The following ADGRF5 variants were observed in gnomAD, a reference collection of about 807,000 sequenced individuals.
ADGRF5 encodes the protein adhesion G protein-coupled receptor F5.
A neutral mutation model predicts 132.3 loss-of-function variants in ADGRF5; 75 were observed. That is an observed-to-expected ratio of 0.57 (90% CI 0.47 to 0.69). The LOEUF is 0.69. Among genes scored for constraint, ADGRF5 ranks in the 30% least tolerant of loss-of-function variants. The pLI, the probability that ADGRF5 is intolerant of heterozygous loss-of-function variation, is 0.00. For missense variants in ADGRF5, 1,516 were observed against 1,630.6 expected, an observed-to-expected ratio of 0.93 and a Z score of 1.21; for synonymous variants, 629 against 597.6, an observed-to-expected ratio of 1.05 and a Z score of -0.77.
intron 10 of ADGRF5, among the ~76,000 whole-genome samples, chr6:46,877,252 TTTCTTTCTTTCTTTC>T (rs1441051743): frequency 3.0e-5 from 1 of 33,732 alleles, no homozygotes; most frequent in African/African-American, 1.9e-4. Flanking sequence ...TCTTTCTTTC[TTTCTTTCTTTCTTTC>T]TTTCTTTCTT....
Position 46,858,687 on chromosome 6 carries a change from A to G in ADGRF5, c.3216T>C (p.Ala1072=), listed in dbSNP as rs1476102108. The change falls in exon 17 of 21, where the codon GCT becomes GCC. Residue 1072 remains alanine (A), a synonymous_variant. Coordinates refer to ENST00000283296, the MANE Select transcript of ADGRF5 (RefSeq NM_001098518.2). The part of the protein sequence containing the change: ...LVANTWFIVV[A]AIQDNRYILC... ...GTATGTAGCGATTGTCCTGGATGGC[A>G]GCGACCACAATGAACCAGGTGTTGG... The G allele has an allele frequency of 6.2e-7, 1 of 1,614,180 alleles. No homozygotes were observed. The highest frequency in any genetic ancestry group is 8.5e-7 in the Non-Finnish European group (1 of 1,180,026).
chr6:46,899,161 A>G (rs1415744477), intron 3 of ADGRF5, among the ~76,000 whole-genome samples: 1 of 152,154 alleles, frequency 6.6e-6, no homozygotes, highest in Non-Finnish European at 1.5e-5. Context: ...AAGAGTTCAT[A>G]AGACTTGAGG....
intron 10 of ADGRF5, among the ~76,000 whole-genome samples, chr6:46,876,020 T>G (rs1236137031): frequency 6.6e-6 from 1 of 152,224 alleles, no homozygotes; most frequent in East Asian, 1.9e-4. Context: ...TATGCGACCA[T>G]TTATGAGAGC....
intron 1 of ADGRF5, among the ~76,000 whole-genome samples, chr6:46,918,407 T>C (rs1041680904): frequency 6.6e-6 from 1 of 152,186 alleles, no homozygotes; most frequent in African/African-American, 2.4e-5. Flanking sequence ...GGAAACGTTA[T>C]AATTAAAAAA....
chr6:46,875,715 T>G (rs1271578418), intron 10 of ADGRF5, among the ~76,000 whole-genome samples: 1 of 152,114 alleles, frequency 6.6e-6, no homozygotes, highest in African/African-American at 2.4e-5. Context: ...GAGCGGAGGT[T>G]GCAGTGAGTC....
At chr6:46,861,728 G>GT (rs1769765006) in intron 15 of ADGRF5, among the ~76,000 whole-genome samples, 1 of 152,180 alleles carries the variant, frequency 6.6e-6, no homozygotes, top group African/African-American at 2.4e-5. Context: ...TCAGCACACA[G>GT]TAAGTATCCA....
At chr6:46,948,955 C>G (rs1208074408) in intron 1 of ADGRF5, among the ~76,000 whole-genome samples, 1 of 152,154 alleles carries the variant, frequency 6.6e-6, no homozygotes. Flanking sequence ...GAGGAAATTC[C>G]CAGGGCCATG....
intron 1 of ADGRF5, among the ~76,000 whole-genome samples, chr6:46,943,957 C>A (rs9296515): frequency 0.14 from 21,599 of 152,156 alleles, 1,794 homozygotes; most frequent in Admixed American, 0.22. Context: ...ATTAACCTAC[C>A]CAGAGAAATA....
At position 46,865,146 on chromosome 6, in the gene ADGRF5, C is replaced by T; in HGVS notation, c.1886G>A (p.Ser629Asn). 6.2e-7 allele frequency: 1 copy of T among 1,612,004 alleles called. No homozygotes were observed. The highest frequency in any genetic ancestry group is 8.5e-7 in the Non-Finnish European group (1 of 1,178,160). Reference sequence around the variant, plus strand: ...AGTTTTTGAACACCAGGAAACTGAGCTTGCATTGAAATTGTGTTTGTAGCA... The same window carrying T: ...AGTTTTTGAACACCAGGAAACTGAGTTTGCATTGAAATTGTGTTTGTAGCA... The part of the protein sequence containing the change: ...QVCYKHNFNA[S>N]SVSWCSKTVD... The change falls in exon 14 of 21, where the codon AGC becomes AAC. Residue 629 changes from serine (S) to asparagine (N), a missense_variant. Coordinates refer to ENST00000283296, the MANE Select transcript of ADGRF5 (RefSeq NM_001098518.2).
chr6:46,920,236 T>C (rs1776794994), intron 1 of ADGRF5, among the ~76,000 whole-genome samples: 1 of 152,124 alleles, frequency 6.6e-6, no homozygotes, highest in Non-Finnish European at 1.5e-5. Flanking sequence ...ATTTAATCCT[T>C]AGGAGGTTGT....
rs554543643 is a variant in ADGRF5 at position 46,859,395 on chromosome 6, T to C, written c.2508A>G (p.Leu836=). The change falls in exon 17 of 21, where the codon TTA becomes TTG. Residue 836 remains leucine (L), a synonymous_variant. Coordinates refer to ENST00000283296, the MANE Select transcript of ADGRF5 (RefSeq NM_001098518.2). Reference sequence around the variant, plus strand: ...ACAAAGGAGGGCTATCTCCCGACTGTAATGCTTGGGAAAATCTTTCCACTG... The same window carrying C: ...ACAAAGGAGGGCTATCTCCCGACTGCAATGCTTGGGAAAATCTTTCCACTG... ...LHSVERFSQA[L]QSGDSPPLSF... is the part of the protein sequence containing the mutation. 1.9e-6 allele frequency: 3 copies of C among 1,613,604 alleles called. No homozygotes were observed. Among genetic ancestry groups the C allele is most frequent in the African/African-American group, 2.7e-5 (2 of 75,038 alleles).
intron 3 of ADGRF5, 56 bp from the exon 4 acceptor site, chr6:46,888,561 T>C: frequency 8.4e-7 from 1 of 1,189,670 alleles, no homozygotes; most frequent in Non-Finnish European, 1.3e-6. Context: ...TGGAGTAAGA[T>C]CATGATGGAT....
chr6:46,935,615 C>T (rs952894534), intron 1 of ADGRF5, among the ~76,000 whole-genome samples: 2 of 152,174 alleles, frequency 1.3e-5, no homozygotes, highest in Non-Finnish European at 2.9e-5. Flanking sequence ...AGGAAGGCCA[C>T]GTGAATCCGA....
chr6:46,923,020 G>A (rs889574073), upstream of ADGRF5, among the ~76,000 whole-genome samples: 12 of 152,178 alleles, frequency 7.9e-5, no homozygotes, highest in Non-Finnish European at 1.5e-4. Flanking sequence ...TCTGCCTCCT[G>A]GGTTCAAGCG....
In ADGRF5 at chr6:46,878,404, A is replaced by T. The variant is rs866732444; in HGVS notation, c.1038T>A (p.Gly346=). ...CTAATATCAGTTTGCAAACATATTC[A>T]CCTGCATAAAATACACAAAATCATG... ...TIHNITPGDA[G]EYVCKLILDI... The change falls in exon 10 of 21, where the codon GGT becomes GGA. Residue 346 remains glycine, a splice_region_variant and synonymous_variant. Coordinates refer to ENST00000283296, the MANE Select transcript of ADGRF5 (RefSeq NM_001098518.2). The T allele has an allele frequency of 6.4e-7, 1 of 1,563,484 alleles. No individual in the cohort carries two copies. Among genetic ancestry groups the T allele is most frequent in the South Asian group, 1.1e-5 (1 of 89,718 alleles).
chr6:46,886,779 C>G (rs1483621585), intron 4 of ADGRF5: 1 of 152,208 alleles, frequency 6.6e-6, no homozygotes, highest in Non-Finnish European at 1.5e-5. Context: ...ATCCCATTCA[C>G]TTCCTCTTTT....
intron 2 of ADGRF5, among the ~76,000 whole-genome samples, chr6:46,905,889 T>C (rs1251563318): frequency 6.6e-6 from 1 of 152,214 alleles, no homozygotes; most frequent in African/African-American, 2.4e-5. Context: ...AGATATGAAC[T>C]AATTTAATTT....
chr6:46,879,952 T>C lies in ADGRF5; in HGVS notation c.902A>G (p.Asn301Ser), dbSNP rs368520666. ...CTGTTCTTCATAGCGCCAAGACACATTGGAGGACAAAACTTCCTTTTCACA... is the reference window on the plus strand; with the variant it reads ...CTGTTCTTCATAGCGCCAAGACACACTGGAGGACAAAACTTCCTTTTCACA... Reference protein sequence around the residue: ...LVCEKEVLSSNVSWRYEEQQL... With the variant: ...LVCEKEVLSSSVSWRYEEQQL... The change falls in exon 9 of 21, where the codon AAT becomes AGT. Residue 301 changes from asparagine to serine, a missense_variant. Physicochemically the swap from Asn to Ser is conservative, Grantham distance 46 (BLOSUM62 1). Coordinates refer to ENST00000283296, the MANE Select transcript of ADGRF5 (RefSeq NM_001098518.2). 1.3e-5 allele frequency: 21 copies of C among 1,613,880 alleles called. No homozygotes were observed. The highest frequency in any genetic ancestry group is 1.6e-4 in the Middle Eastern group (1 of 6,084).
chr6:46,912,757 G>C (rs111495109), intron 1 of ADGRF5, among the ~76,000 whole-genome samples: 1 of 152,150 alleles, frequency 6.6e-6, no homozygotes, highest in African/African-American at 2.4e-5. Context: ...TAAGCTATAA[G>C]TCTGCCTTTC....
Sources: gnomAD v4.1 joint callset for allele counts (sites outside exome capture counted in the v4.1 genomes callset) on GRCh38, gnomAD v4.1.1 for gene constraint, MANE v1.5 for transcripts, NCBI Gene and HGNC (gene_info 2026-07-23, HGNC 2026-07-21) for gene names.